The following TBC1D9 variants were observed in gnomAD, a reference collection of about 807,000 sequenced individuals.
TBC1D9 encodes the protein TBC1 domain family member 9A.
TBC1D9 carries 63 observed loss-of-function variants against 132.0 expected under a neutral mutation model. The observed-to-expected ratio is 0.48, with a 90% CI of 0.39 to 0.59. The LOEUF is 0.59. TBC1D9 is among the 20% of genes least tolerant of loss of function. The pLI, the probability that TBC1D9 is intolerant of heterozygous loss-of-function variation, is 0.00. For synonymous variants in TBC1D9, 610 were observed against 609.9 expected, an observed-to-expected ratio of 1.00 and a Z score of 0.00; for missense variants, 1,261 against 1,592.7, an observed-to-expected ratio of 0.79 and a Z score of 3.54.
chr4:140,676,083 G>T (rs1737618084), intron 6 of TBC1D9, among the ~76,000 whole-genome samples: 7 of 152,108 alleles, frequency 4.6e-5, no homozygotes, highest in Admixed American at 4.6e-4. Flanking sequence ...TGGACAACTA[G>T]GGACAACCCC....
chr4:140,698,563 C>A lies in TBC1D9; in HGVS notation c.241+2941G>T, dbSNP rs566870620. ...AGGAGTTCGAGACCAGCCTGACCAA[C>A]ATGGTAAAACCCCGTCTCTACTAAA... is the stretch of plus-strand genomic sequence containing the variant. On this transcript the variant is annotated intron_variant, in intron 2 of 20. Transcript: ENST00000442267. 2.6e-5 allele frequency among the ~76,000 whole-genome samples: 4 copies of A among 152,270 alleles called. No individual in the cohort carries two copies. In the South Asian group the frequency reaches 8.3e-4, roughly 32 times the overall value.
chr4:140,643,488 A>G, intron 13 of TBC1D9: 1 of 883,186 alleles, frequency 1.1e-6, no homozygotes, highest in Non-Finnish European at 1.9e-6. Flanking sequence ...GGGCACAGGC[A>G]CGGCCTCCCG....
rs35813378 is a variant in TBC1D9 at position 140,641,090 on chromosome 4, C to CAAAAAAAAAAA, written c.2338-1673_2338-1663dup. Among the ~76,000 whole-genome samples, 130 of 34,922 alleles carry CAAAAAAAAAAA rather than the reference C, an allele frequency of 3.7e-3. 1 individual carries two copies. The highest frequency in any genetic ancestry group is 5.3e-3 in the African/African-American group (40 of 7,588). The allele number at this position is 34,922 out of a possible 152,430, so 22.9% of individuals were successfully genotyped here. A position where few individuals can be genotyped will look rare whatever the true frequency, so the allele number is the denominator to read the frequency against. On this transcript the variant is annotated intron_variant, in intron 13 of 20. Transcript: ENST00000442267. Reference sequence around the variant, plus strand: ...TAAATCTTACAATCATAATACTAAGCAAAAAAAAAAAAAACAAAAAAAAAC... The same window carrying CAAAAAAAAAAA: ...TAAATCTTACAATCATAATACTAAGCAAAAAAAAAAAAAAAAAAAAAAAAACAAAAAAAAAC...
chr4:140,710,689 T>C (rs1309068145), intron 1 of TBC1D9, among the ~76,000 whole-genome samples: 1 of 152,106 alleles, frequency 6.6e-6, no homozygotes, highest in African/African-American at 2.4e-5. Context: ...CACCTGCTCC[T>C]GCATAAAGTG....
chr4:140,749,212 AT>A (rs1486712969), intron 1 of TBC1D9, among the ~76,000 whole-genome samples: 7 of 152,030 alleles, frequency 4.6e-5, no homozygotes, highest in East Asian at 3.9e-4. Flanking sequence ...CTTTAAAAAA[AT>A]AAAAGGTAAA....
At chr4:140,666,224 C>T (rs1737441564) in intron 9 of TBC1D9, among the ~76,000 whole-genome samples, 1 of 152,146 alleles carries the variant, frequency 6.6e-6, no homozygotes, top group African/African-American at 2.4e-5. Context: ...ATATTGTATG[C>T]TTCCATTTAT....
Position 140,674,839 on chromosome 4 carries a change from C to CA in TBC1D9, c.1059+2054dup, listed in dbSNP as rs569468330. ...TCAGCCTCCCAAGTAGCTAGGACTA[C>CA]AGGAGCACATCACCATCCCCAGCTA... On this transcript the variant is annotated intron_variant, in intron 6 of 20. Transcript: ENST00000442267. 1.6e-3 allele frequency among the ~76,000 whole-genome samples: 243 copies of CA among 152,116 alleles called. 1 individual carries two copies. The highest frequency in any genetic ancestry group is 5.2e-3 in the African/African-American group (217 of 41,522).
At chr4:140,645,037 C>T (rs56894360) in intron 13 of TBC1D9, 32,260 of 477,838 alleles carry the variant, frequency 0.068, 1,298 homozygotes, top group Admixed American at 0.12. Flanking sequence ...AGATGGGTTG[C>T]GGGGTCCACA....
intron 3 of TBC1D9, among the ~76,000 whole-genome samples, chr4:140,681,904 A>G (rs7688512): frequency 0.061 from 9,259 of 152,228 alleles, 921 homozygotes; most frequent in African/African-American, 0.21. Flanking sequence ...TCTCACGTCT[A>G]TGTTGTCTTA....
chr4:140,635,771 CTG>C (rs1349469117), intron 15 of TBC1D9, among the ~76,000 whole-genome samples: 1 of 152,130 alleles, frequency 6.6e-6, no homozygotes, highest in Non-Finnish European at 1.5e-5. Flanking sequence ...ATAAAGGAAA[CTG>C]TGTCAAAGTT....
At chr4:140,735,847 A>T (rs1449328005) in intron 1 of TBC1D9, among the ~76,000 whole-genome samples, 3 of 152,250 alleles carry the variant, frequency 2.0e-5, no homozygotes, top group African/African-American at 7.2e-5. Flanking sequence ...TGACAACAAC[A>T]ACAAGAGATA....
chr4:140,648,386 T>G (rs934373575), intron 13 of TBC1D9, among the ~76,000 whole-genome samples: 8 of 121,604 alleles, frequency 6.6e-5, no homozygotes, highest in East Asian at 2.1e-4. Context: ...TTTGTTGTTG[T>G]TTTTTTTTTT....
chr4:140,723,939 G>A (rs116270026), intron 1 of TBC1D9, among the ~76,000 whole-genome samples: 1 of 152,064 alleles, frequency 6.6e-6, no homozygotes, highest in African/African-American at 2.4e-5. Context: ...GACAAAGTCT[G>A]ACTATTTTGC....
intron 1 of TBC1D9, among the ~76,000 whole-genome samples, chr4:140,709,649 A>C (rs1387036400): frequency 6.6e-6 from 1 of 152,142 alleles, no homozygotes; most frequent in African/African-American, 2.4e-5. Flanking sequence ...TGGTACTTTA[A>C]GTCAGCAGTC....
intron 1 of TBC1D9, among the ~76,000 whole-genome samples, chr4:140,716,466 G>T (rs1389152338): frequency 1.3e-5 from 2 of 151,884 alleles, no homozygotes; most frequent in Non-Finnish European, 2.9e-5. Context: ...CTCCAGCCTG[G>T]GTGACAAAGC....
At chr4:140,742,164 A>T (rs1738768171) in intron 1 of TBC1D9, among the ~76,000 whole-genome samples, 1 of 152,172 alleles carries the variant, frequency 6.6e-6, no homozygotes, top group Non-Finnish European at 1.5e-5. Flanking sequence ...GGATTTTTTC[A>T]TCAACAAAGC....
intron 16 of TBC1D9, among the ~76,000 whole-genome samples, chr4:140,632,368 T>C (rs1326672903): frequency 6.6e-6 from 1 of 152,094 alleles, no homozygotes; most frequent in Non-Finnish European, 1.5e-5. Flanking sequence ...TTTAGTGTTA[T>C]CTGATTTGTG....
At chr4:140,630,225 T>C (rs1471680933) in intron 16 of TBC1D9, among the ~76,000 whole-genome samples, 4 of 152,234 alleles carry the variant, frequency 2.6e-5, no homozygotes, top group Non-Finnish European at 5.9e-5. Context: ...ACATAACTAA[T>C]TCAAGTTTTG....
rs140533708 is a variant in TBC1D9, at chr4:140,674,170, G to C, written c.1059+2724C>G. Among the ~76,000 whole-genome samples the C allele has an allele frequency of 1.5e-3, 222 of 152,244 alleles. 1 individual carries two copies. In the East Asian group the frequency reaches 0.021, roughly 14 times the overall value. On this transcript the variant is annotated intron_variant, in intron 6 of 20. Transcript: ENST00000442267. ...AAATTATGTTTAGTAACATCCTATA[G>C]CAAAAACTACTAAGAAGGTAAATTT...
Sources: gnomAD v4.1 joint callset for allele counts (sites outside exome capture counted in the v4.1 genomes callset) on GRCh38, gnomAD v4.1.1 for gene constraint, MANE v1.5 for transcripts, NCBI Gene and HGNC (gene_info 2026-07-23, HGNC 2026-07-21) for gene names.